The following CIMAP3 variants were observed in gnomAD, a reference collection of about 807,000 sequenced individuals.
CIMAP3 encodes ciliary microtubule associated protein 3.
At chr1:111,332,191 C>T in the CIMAP3 span, among the ~76,000 whole-genome samples, 1 of 152,114 alleles carries the variant, frequency 6.6e-6, no homozygotes, top group South Asian at 2.1e-4. Flanking sequence ...TGGAGGTGTG[C>T]CTGCCTGGGC....
the CIMAP3 span, among the ~76,000 whole-genome samples, chr1:111,345,739 C>T: frequency 6.6e-6 from 1 of 152,186 alleles, no homozygotes; most frequent in Non-Finnish European, 1.5e-5. Flanking sequence ...AACACCTGGA[C>T]AACTCCTAAA....
the CIMAP3 span, chr1:111,346,619 C>G: frequency 6.2e-7 from 1 of 1,613,954 alleles, no homozygotes; most frequent in Non-Finnish European, 8.5e-7. Context: ...TCCTTGGCAA[C>G]GCAGTACACA....
the CIMAP3 span, chr1:111,350,315 C>T: frequency 5.8e-6 from 6 of 1,041,866 alleles, no homozygotes; most frequent in East Asian, 7.2e-5. Flanking sequence ...TGTGAATGAA[C>T]TTCAGGAAGT....
At chr1:111,346,122 G>C in the CIMAP3 span, among the ~76,000 whole-genome samples, 1 of 152,170 alleles carries the variant, frequency 6.6e-6, no homozygotes. Flanking sequence ...CGGCCCCCCG[G>C]GATAGAATGG....
At chr1:111,327,833 T>A in the CIMAP3 span, among the ~76,000 whole-genome samples, 1 of 152,164 alleles carries the variant, frequency 6.6e-6, no homozygotes, top group East Asian at 1.9e-4. Flanking sequence ...TTGAATTTTT[T>A]TTTGTCTTAA....
At chr1:111,347,428 C>T in the CIMAP3 span, among the ~76,000 whole-genome samples, 5 of 152,132 alleles carry the variant, frequency 3.3e-5, no homozygotes, top group East Asian at 5.8e-4. Context: ...ATGGCAATGT[C>T]CTATAGTCTA....
chr1:111,346,412 T>C, the CIMAP3 span: 2 of 518,260 alleles, frequency 3.9e-6, no homozygotes, highest in South Asian at 4.8e-5. Flanking sequence ...CTGCAGCCCC[T>C]ACAGCCGCGA....
chr1:111,341,984 A>G, the CIMAP3 span, among the ~76,000 whole-genome samples: 1 of 152,096 alleles, frequency 6.6e-6, no homozygotes, highest in African/African-American at 2.4e-5. Flanking sequence ...GGAGTCGAGC[A>G]TGAGCATGGG....
At chr1:111,329,669 C>T in the CIMAP3 span, among the ~76,000 whole-genome samples, 1 of 151,240 alleles carries the variant, frequency 6.6e-6, no homozygotes, top group Non-Finnish European at 1.5e-5. Flanking sequence ...ATTCTCCTGC[C>T]TCAGCCTCCT....
the CIMAP3 span, among the ~76,000 whole-genome samples, chr1:111,329,516 C>CATATATATATATATAT: frequency 1.4e-4 from 15 of 106,280 alleles, no homozygotes; most frequent in Admixed American, 2.6e-4. Flanking sequence ...CACATAAACC[C>CATATATATATATATAT]ATATATATAT....
chr1:111,336,577 C>A, the CIMAP3 span, among the ~76,000 whole-genome samples: 3 of 152,060 alleles, frequency 2.0e-5, no homozygotes, highest in African/African-American at 7.2e-5. Flanking sequence ...CCGATGCAAT[C>A]AACTAGAAGA....
At chr1:111,325,721 T>C in the CIMAP3 span, among the ~76,000 whole-genome samples, 20 of 152,182 alleles carry the variant, frequency 1.3e-4, no homozygotes, top group Admixed American at 5.9e-4. Context: ...AATGTTTAGA[T>C]GTAACTACTT....
At chr1:111,328,615 T>A in the CIMAP3 span, among the ~76,000 whole-genome samples, 1 of 152,244 alleles carries the variant, frequency 6.6e-6, no homozygotes, top group African/African-American at 2.4e-5. Flanking sequence ...CCCTTCTTTG[T>A]CTTTTTTTAT....
the CIMAP3 span, among the ~76,000 whole-genome samples, chr1:111,326,392 A>G: frequency 6.6e-6 from 1 of 152,098 alleles, no homozygotes; most frequent in Non-Finnish European, 1.5e-5. Flanking sequence ...CCTACATATA[A>G]GTGACATTGT....
chr1:111,330,601 G>T, the CIMAP3 span, among the ~76,000 whole-genome samples: 2 of 152,166 alleles, frequency 1.3e-5, no homozygotes, highest in East Asian at 1.9e-4. Flanking sequence ...CTCTGAAATT[G>T]CAGAGTTCTT....
the CIMAP3 span, among the ~76,000 whole-genome samples, chr1:111,336,897 A>C: frequency 6.6e-6 from 1 of 151,952 alleles, no homozygotes; most frequent in Non-Finnish European, 1.5e-5. Flanking sequence ...CATAATTGTC[A>C]GATTCACCAA....
At chr1:111,327,013 G>T in the CIMAP3 span, among the ~76,000 whole-genome samples, 1 of 151,828 alleles carries the variant, frequency 6.6e-6, no homozygotes, top group Admixed American at 6.6e-5. Context: ...TGAATACTTC[G>T]CAAATATTTT....
the CIMAP3 span, chr1:111,347,632 T>TTTTTTTTGGGG: frequency 8.3e-7 from 1 of 1,199,734 alleles, no homozygotes; most frequent in Non-Finnish European, 1.2e-6. Context: ...CTTTTTTTTT[T>TTTTTTTTGGGG]TTTTTGGTGT....
At chr1:111,342,671 C>T in the CIMAP3 span, among the ~76,000 whole-genome samples, 1 of 152,186 alleles carries the variant, frequency 6.6e-6, no homozygotes, top group Non-Finnish European at 1.5e-5. Flanking sequence ...ATTTCTCCCC[C>T]CAGGCACTGT....
Sources: gnomAD v4.1 joint callset for allele counts (sites outside exome capture counted in the v4.1 genomes callset) on GRCh38, gnomAD v4.1.1 for gene constraint, MANE v1.5 for transcripts, NCBI Gene and HGNC (gene_info 2026-07-23, HGNC 2026-07-21) for gene names.